Variants in NBPF26 observed in about 807,000 individuals in gnomAD.
NBPF26 encodes the protein NBPF family member NBPF26.
A neutral mutation model predicts 119.6 loss-of-function variants in NBPF26; 79 were observed. The ratio of observed to expected loss-of-function variants is 0.66; its 90% CI spans 0.55 to 0.80. The LOEUF is 0.80. Ranked by LOEUF, NBPF26 falls within the 30% of genes least tolerant of loss-of-function variation. NBPF26 has a pLI of 0.00. For synonymous variants in NBPF26, 299 were observed against 457.7 expected (o/e 0.65, Z 4.43); for missense variants, 800 against 1,198.2 (o/e 0.67, Z 4.91).
rs1401474082 is a variant in NBPF26, at chr1:120,814,525, C to T, written c.1878-304C>T. 3.7e-4 allele frequency among the ~76,000 whole-genome samples: 43 copies of T among 116,490 alleles called. 3 individuals carry two copies. The highest frequency in any genetic ancestry group is 6.1e-4 in the Non-Finnish European group (35 of 57,442). The allele number at this position is 116,490 out of a possible 152,430, so 76.4% of individuals were successfully genotyped here. A position where few individuals can be genotyped will look rare whatever the true frequency, so the allele number is the denominator to read the frequency against. On this transcript the variant is annotated intron_variant, in intron 11 of 29. Coordinates refer to ENST00000620612, the Ensembl canonical transcript of NBPF26. ...TATTTTCACATGGAAATGTCCATGGCCAGAGTGAGGAACTGAAAGGATGTC... is the reference window on the plus strand; with the variant it reads ...TATTTTCACATGGAAATGTCCATGGTCAGAGTGAGGAACTGAAAGGATGTC...
chr1:120,756,662 C>T, intron 1 of NBPF26, among the ~76,000 whole-genome samples: 1 of 117,784 alleles, frequency 8.5e-6, no homozygotes, highest in Non-Finnish European at 1.6e-5. Context: ...GACTTAATTA[C>T]TCATGTTAGA....
rs2101409022 is a variant in NBPF26, at chr1:120,763,636, T to C, written c.82T>C (p.Cys28Arg). The stretch of plus-strand genomic sequence containing the variant: ...TTTGTTTTTATTTTTAGCATTGCAG[T>C]GTCGAGATGGCTATGAACCCTGTGT... The change falls in exon 2 of 30, where the codon TGT (cysteine) becomes CGT (arginine). Residue 28 changes from cysteine to arginine, a missense_variant. Around this residue, in one of 13 missense-constraint regions of NBPF26, gnomAD observed 209 missense variants for 285.2 expected, o/e 0.73. Coordinates refer to ENST00000620612, the Ensembl canonical transcript of NBPF26. 6 of 1,385,692 alleles carry C rather than the reference T, an allele frequency of 4.3e-6. 1 individual carries two copies. The East Asian group carries it at 1.2e-4, about 27-fold the overall frequency. 85.8% of individuals were successfully genotyped at this position (1,385,692 alleles called of 1,614,324 possible). A position where few individuals can be genotyped will look rare whatever the true frequency, so the allele number is the denominator to read the frequency against.
intron 1 of NBPF26, among the ~76,000 whole-genome samples, chr1:120,724,696 T>G (rs1212900378): frequency 8.0e-6 from 1 of 124,640 alleles, no homozygotes; most frequent in Non-Finnish European, 1.6e-5. Flanking sequence ...CCAAACGGCC[T>G]GCAGCTTCGC....
At chr1:120,793,559 G>A in intron 4 of NBPF26, 63 bp downstream of exon 4, 2 of 1,108,052 alleles carry the variant, frequency 1.8e-6, no homozygotes, top group Non-Finnish European at 2.5e-6. Context: ...GGTAGTGGGT[G>A]TGGCTCAATT....
At position 120,785,171 on chromosome 1, in the gene NBPF26, G is replaced by A; in HGVS notation, c.353G>A (p.Gly118Asp). The stretch of plus-strand genomic sequence containing the variant: ...TTTGTGTCTCGACCTTGCCTGAATG[G>A]CGGCACATGCCATATGCTCAGCCGG... Residue 118 changes from glycine to aspartate, a missense_variant, in exon 3 of 30, where the codon GGC (glycine) becomes GAC (aspartate). Transcript: ENST00000620612. 6 of 1,445,982 alleles carry A rather than the reference G, an allele frequency of 4.1e-6. 2 individuals carry two copies. The South Asian group carries it at 7.2e-5, about 17-fold the overall frequency. 89.6% of individuals were successfully genotyped at this position (1,445,982 alleles called of 1,614,324 possible). A position where few individuals can be genotyped will look rare whatever the true frequency, so the allele number is the denominator to read the frequency against.
intron 8 of NBPF26, among the ~76,000 whole-genome samples, 169 bp from the exon 9 acceptor site, chr1:120,810,178 G>A (rs1651823886): frequency 8.3e-6 from 1 of 120,416 alleles, no homozygotes; most frequent in Non-Finnish European, 1.6e-5. Context: ...TGGCAGCCAT[G>A]CTCTGTTGCA....
At position 120,783,600 on chromosome 1, in the gene NBPF26, G is replaced by A. The variant is rs1259629614; in HGVS notation, c.156-1374G>A. ...GTGGCAGCACATATTAGGATAGAGA[G>A]ATGACTTCTAGAAAACTGAACATAT... On this transcript the variant is annotated intron_variant, in intron 2 of 29. Transcript: ENST00000620612. Among the ~76,000 whole-genome samples the A allele has an allele frequency of 1.1e-4, 10 of 92,626 alleles. 3 individuals are homozygous for A. The highest frequency in any genetic ancestry group is 7.5e-4 in the African/African-American group (10 of 13,356). The allele number at this position is 92,626 out of a possible 152,430, so 60.8% of individuals were successfully genotyped here.
rs1650968053 is a variant in NBPF26, at chr1:120,745,214, T to A, written c.74-18414T>A. 2.7e-5 allele frequency among the ~76,000 whole-genome samples: 3 copies of A among 110,190 alleles called. 1 individual carries two copies. The allele number at this position is 110,190 out of a possible 152,430, so 72.3% of individuals were successfully genotyped here. On this transcript the variant is annotated intron_variant, in intron 1 of 29. Transcript: ENST00000620612. Reference sequence around the variant, plus strand: ...CTTTACTGCACGCTTTAGTCCATGGTTTTTTAAACTGCAGATCATGACCAC... The same window carrying A: ...CTTTACTGCACGCTTTAGTCCATGGATTTTTAAACTGCAGATCATGACCAC...
At chr1:120,808,938 G>A (rs1490863705) in intron 7 of NBPF26, among the ~76,000 whole-genome samples, 179 bp downstream of exon 7, 60 of 95,876 alleles carry the variant, frequency 6.3e-4, no homozygotes, top group African/African-American at 1.2e-3. Context: ...GGGTTTGGAG[G>A]TCACAGTATT....
downstream of NBPF26, chr1:120,840,654 A>T (rs201659679): frequency 1.7e-5 from 25 of 1,444,676 alleles, 7 homozygotes; most frequent in Non-Finnish European, 2.2e-5. Context: ...GCACGTGAAG[A>T]TTTGAATGAA....
chr1:120,745,138 A>C (rs1312622282), intron 1 of NBPF26, among the ~76,000 whole-genome samples: 1 of 100,432 alleles, frequency 1.0e-5, no homozygotes, highest in African/African-American at 6.4e-5. Context: ...AAAAAACAAA[A>C]AAAAAACAAA....
At chr1:120,784,444 G>C (rs1651399694) in intron 2 of NBPF26, among the ~76,000 whole-genome samples, 1 of 116,936 alleles carries the variant, frequency 8.6e-6, no homozygotes, top group Non-Finnish European at 1.6e-5. Flanking sequence ...AAACACGCTA[G>C]GGCTGCTCTC....
At chr1:120,811,570 T>A (rs1291947239) in intron 9 of NBPF26, among the ~76,000 whole-genome samples, 1 of 112,424 alleles carries the variant, frequency 8.9e-6, no homozygotes, top group Non-Finnish European at 1.7e-5. Flanking sequence ...AAAAGAAAAT[T>A]AAGCAAAACG....
intron 1 of NBPF26, among the ~76,000 whole-genome samples, chr1:120,728,172 G>A (rs1650836122): frequency 9.1e-6 from 1 of 109,942 alleles, no homozygotes; most frequent in Non-Finnish European, 1.7e-5. Flanking sequence ...CGTACATGAG[G>A]AAGGAATCGT....
chr1:120,794,216 G>A (rs1651529864), intron 4 of NBPF26, among the ~76,000 whole-genome samples: 1 of 115,562 alleles, frequency 8.7e-6, no homozygotes, highest in Admixed American at 8.3e-5. Flanking sequence ...ACAACCCAAA[G>A]ATAGAAATAA....
At position 120,818,928 on chromosome 1, in the gene NBPF26, T is replaced by C. The variant is rs1346070261; in HGVS notation, c.2423+754T>C. ...GTGGTCAATTTTGGAATAAGTGTGA[T>C]GTGGTGCTGAGAAGAATGTATATTC... On this transcript the variant is annotated intron_variant, in intron 15 of 29. Transcript: ENST00000620612. Among the ~76,000 whole-genome samples the C allele has an allele frequency of 4.9e-5, 5 of 102,178 alleles. 2 individuals are homozygous for C. The highest frequency in any genetic ancestry group is 2.6e-4 in the African/African-American group (5 of 18,924). 67.0% of individuals were successfully genotyped at this position (102,178 alleles called of 152,430 possible).
At position 120,730,625 on chromosome 1, in the gene NBPF26, G is replaced by A. The variant is rs1442065699; in HGVS notation, c.73+6375G>A. Among the ~76,000 whole-genome samples the A allele has an allele frequency of 5.2e-5, 6 of 114,518 alleles. 2 individuals carry two copies. The highest frequency in any genetic ancestry group is 9.9e-5 in the Non-Finnish European group (6 of 60,386). 75.1% of individuals were successfully genotyped at this position (114,518 alleles called of 152,430 possible). A position where few individuals can be genotyped will look rare whatever the true frequency, so the allele number is the denominator to read the frequency against. On this transcript the variant is annotated intron_variant, in intron 1 of 29. Coordinates refer to ENST00000620612, the Ensembl canonical transcript of NBPF26. ...TTTTGGAGGAGAATATTATCTGTGT[G>A]GCAGAACATACATTGTGGTCTTAAA...
rs1485067771 is a variant in NBPF26, at chr1:120,784,021, T to A, written c.156-953T>A. Among the ~76,000 whole-genome samples, 6 of 112,304 alleles carry A rather than the reference T, an allele frequency of 5.3e-5. 1 individual carries two copies. The highest frequency in any genetic ancestry group is 3.4e-4 in the Admixed American group (4 of 11,620). The allele number at this position is 112,304 out of a possible 152,430, so 73.7% of individuals were successfully genotyped here. On this transcript the variant is annotated intron_variant, in intron 2 of 29. Coordinates refer to ENST00000620612, the Ensembl canonical transcript of NBPF26. ...TTGTTGCAGAGGGATAAGTAAGAAG[T>A]AGATGGAAAAGAAAGAGAAATATCT...
chr1:120,754,285 C>G lies in NBPF26; in HGVS notation c.74-9343C>G, dbSNP rs1467581990. 8.5e-5 allele frequency among the ~76,000 whole-genome samples: 3 copies of G among 35,296 alleles called. 1 individual carries two copies. Among genetic ancestry groups the G allele is most frequent in the Non-Finnish European group, 1.4e-4 (3 of 20,746 alleles). 23.2% of individuals were successfully genotyped at this position (35,296 alleles called of 152,430 possible). On this transcript the variant is annotated intron_variant, in intron 1 of 29. Transcript: ENST00000620612. ...GGCAAAATTTGTCTTGATAATCGTA[C>G]AAATACAGATAGTGGAACAGAACAG...
Sources: gnomAD v4.1 joint callset for allele counts (sites outside exome capture counted in the v4.1 genomes callset) on GRCh38, gnomAD v4.1.1 for gene constraint, gnomAD v4.1.1 regional missense constraint, MANE v1.5 for transcripts, NCBI Gene and HGNC (gene_info 2026-07-23, HGNC 2026-07-21) for gene names.